ARHGEF6: variants seen among roughly 807,000 people sequenced by gnomAD.
ARHGEF6 encodes Rac/Cdc42 guanine nucleotide exchange factor 6.
Under a neutral mutation model 70.3 loss-of-function variants are expected in ARHGEF6, and 9 were observed. The observed-to-expected ratio is 0.13, with a 90% CI of 0.08 to 0.22. The LOEUF is 0.22. ARHGEF6 is among the 10% of genes least tolerant of loss of function. The pLI, the probability that ARHGEF6 is intolerant of heterozygous loss-of-function variation, is 1.00. For missense variants in ARHGEF6, 470 were observed against 563.0 expected (o/e 0.83, Z 1.67); for synonymous variants, 201 against 207.8 (o/e 0.97, Z 0.28).
At chrX:136,775,650 C>T (rs369978013) in intron 2 of ARHGEF6, among the ~76,000 whole-genome samples, 20 of 111,334 alleles carry the variant, frequency 1.8e-4, no homozygotes, top group African/African-American at 6.5e-4. Context: ...ACAAGGATGC[C>T]CCCTTTCACC....
intron 8 of ARHGEF6, among the ~76,000 whole-genome samples, chrX:136,708,381 TAA>T (rs1349098146): frequency 9.4e-5 from 9 of 96,125 alleles, no homozygotes; most frequent in Admixed American, 2.3e-4. Context: ...TAAGGAACAT[TAA>T]AAAAAAAAAA....
intron 16 of ARHGEF6, 76 bp downstream of exon 16, chrX:136,679,459 T>C: frequency 1.8e-6 from 2 of 1,121,277 alleles, no homozygotes; most frequent in Non-Finnish European, 2.5e-6. Context: ...TTCTAGCACA[T>C]TCCCACAGAA....
intron 5 of ARHGEF6, among the ~76,000 whole-genome samples, chrX:136,741,090 AG>A (rs1296719425): frequency 8.9e-6 from 1 of 112,065 alleles, no homozygotes; most frequent in Admixed American, 9.4e-5. Flanking sequence ...ATTCCATTAA[AG>A]GGGATACCCC....
At chrX:136,758,082 G>C (rs1412247668) in intron 2 of ARHGEF6, among the ~76,000 whole-genome samples, 1 of 58,172 alleles carries the variant, frequency 1.7e-5, no homozygotes, top group African/African-American at 8.0e-5. Flanking sequence ...ACGGAGTCTC[G>C]CTCTGTCGCC....
intron 7 of ARHGEF6, among the ~76,000 whole-genome samples, chrX:136,709,985 C>T (rs2076666864): frequency 9.2e-6 from 1 of 109,157 alleles, no homozygotes; most frequent in South Asian, 3.9e-4. Flanking sequence ...AAGCCCATGT[C>T]TGCCACATGT....
intron 6 of ARHGEF6, among the ~76,000 whole-genome samples, chrX:136,727,813 C>T (rs1033341311): frequency 9.0e-6 from 1 of 111,410 alleles, no homozygotes; most frequent in Non-Finnish European, 1.9e-5. Context: ...GGATTACAGG[C>T]GTGAGCCACC....
chrX:136,749,500 T>C (rs1268733366), intron 2 of ARHGEF6, among the ~76,000 whole-genome samples: 1 of 111,495 alleles, frequency 9.0e-6, no homozygotes, highest in African/African-American at 3.3e-5. Context: ...AGAGCAAAAG[T>C]TGTGATAAAA....
chrX:136,717,746 A>G (rs762610653), intron 6 of ARHGEF6, among the ~76,000 whole-genome samples: 1 of 111,566 alleles, frequency 9.0e-6, no homozygotes, highest in African/African-American at 3.2e-5. Flanking sequence ...ATGTTATTAT[A>G]AGGTACTTGC....
chrX:136,674,957 A>T, intron 19 of ARHGEF6, 50 bp downstream of exon 19: 1 of 1,112,920 alleles, frequency 9.0e-7, no homozygotes, highest in African/African-American at 1.8e-5. Flanking sequence ...GACACTAAAC[A>T]GTAAGGAAGA....
chrX:136,745,300 C>T lies in ARHGEF6; in HGVS notation c.382G>A (p.Ala128Thr), dbSNP rs868859251. 8 of 1,211,054 alleles carry T rather than the reference C, an allele frequency of 6.6e-6. No individual in the cohort carries two copies. Among genetic ancestry groups the T allele is most frequent in the African/African-American group, 3.5e-5 (2 of 57,773 alleles). ...PCGRSSSLSAANTSQTNPQGA... is the reference protein window; with the variant it reads ...PCGRSSSLSATNTSQTNPQGA... ...TGTGGGTTTGTCTGAGAAGTATTAG[C>T]AGCACTAAGAGAAGAGGAACGTCCA... is the stretch of plus-strand genomic sequence containing the variant. The change falls in exon 4 of 22, where the codon GCT becomes ACT. Residue 128 changes from alanine to threonine, a missense_variant. Ala to Thr is a moderately conservative substitution (Grantham distance 58). Transcript: ENST00000250617.
intron 19 of ARHGEF6, among the ~76,000 whole-genome samples, chrX:136,673,828 C>G (rs186796610): frequency 9.0e-6 from 1 of 110,877 alleles, no homozygotes; most frequent in East Asian, 2.8e-4. Flanking sequence ...TTCTTTCTCT[C>G]TCTCTTTCTC....
At chrX:136,761,770 C>G (rs941698265) in intron 2 of ARHGEF6, among the ~76,000 whole-genome samples, 1 of 112,129 alleles carries the variant, frequency 8.9e-6, no homozygotes, top group Non-Finnish European at 1.9e-5. Context: ...GTGGTCTCTG[C>G]CGAATAGAGC....
intron 5 of ARHGEF6, among the ~76,000 whole-genome samples, chrX:136,742,400 TATTA>T (rs1013297392): frequency 3.6e-5 from 4 of 112,316 alleles, no homozygotes; most frequent in African/African-American, 9.7e-5. Flanking sequence ...CCTAAAATTT[TATTA>T]ATTAATTAAT....
At chrX:136,724,300 G>A (rs767436249) in intron 6 of ARHGEF6, among the ~76,000 whole-genome samples, 12 of 109,223 alleles carry the variant, frequency 1.1e-4, no homozygotes, top group Admixed American at 2.9e-4. Context: ...GGCTGGTCTC[G>A]AACTCCTGAC....
At chrX:136,767,015 C>A (rs754107224) in intron 2 of ARHGEF6, 38 of 619,016 alleles carry the variant, frequency 6.1e-5, no homozygotes, top group Non-Finnish European at 6.8e-5. Context: ...ACGGACCCCG[C>A]AGCTGGGGCT....
chrX:136,724,159 A>C (rs907029161), intron 6 of ARHGEF6, among the ~76,000 whole-genome samples: 16 of 107,172 alleles, frequency 1.5e-4, no homozygotes, highest in African/African-American at 5.4e-4. Flanking sequence ...GGCTCAATGC[A>C]ACCTCTGCCT....
chrX:136,706,442 G>GA lies in ARHGEF6; in HGVS notation c.1046+465dup, dbSNP rs760963053. Among the ~76,000 whole-genome samples the GA allele has an allele frequency of 2.7e-5, 3 of 111,423 alleles. No homozygotes were observed. In the South Asian group the frequency reaches 1.1e-3, roughly 42 times the overall value. On this transcript the variant is annotated intron_variant, in intron 9 of 21. Coordinates refer to ENST00000250617, the MANE Select transcript of ARHGEF6 (RefSeq NM_004840.3). ...AGTTTAGCTATGTGTCAGCAACTCA[G>GA]AAAAAACATTCATTGGGGTAGGGGA...
intron 3 of ARHGEF6, among the ~76,000 whole-genome samples, chrX:136,746,087 C>T (rs2077092993): frequency 8.9e-6 from 1 of 111,798 alleles, no homozygotes; most frequent in Non-Finnish European, 1.9e-5. Context: ...AGTCTAAAGC[C>T]CAAACATTCC....
chrX:136,688,204 TTTACTC>T (rs1308778991), intron 10 of ARHGEF6, among the ~76,000 whole-genome samples: 1 of 111,111 alleles, frequency 9.0e-6, no homozygotes, highest in Non-Finnish European at 1.9e-5. Flanking sequence ...AAACGTTAAT[TTTACTC>T]TATACTAAAG....
Sources: gnomAD v4.1 joint callset for allele counts (sites outside exome capture counted in the v4.1 genomes callset) on GRCh38, gnomAD v4.1.1 for gene constraint, MANE v1.5 for transcripts, NCBI Gene and HGNC (gene_info 2026-07-23, HGNC 2026-07-21) for gene names.